DIAPH3: variants seen among roughly 807,000 people sequenced by gnomAD.
DIAPH3 encodes the protein diaphanous related formin 3, also known as protein diaphanous homolog 3.
DIAPH3 carries 117 observed loss-of-function variants against 144.3 expected under a neutral mutation model. The observed-to-expected ratio is 0.81, with a 90% CI of 0.70 to 0.95. The LOEUF (loss-of-function observed/expected upper bound fraction) is 0.95, where lower values mean the gene tolerates loss of function less well. DIAPH3 is among the 40% of genes least tolerant of loss of function. DIAPH3 has a pLI of 0.00. For synonymous variants in DIAPH3, 519 were observed against 488.9 expected, an observed-to-expected ratio of 1.06 and a Z score of -0.81; for missense variants, 1,421 against 1,412.7, an observed-to-expected ratio of 1.01 and a Z score of -0.09.
intron 24 of DIAPH3, among the ~76,000 whole-genome samples, chr13:59,821,386 G>A (rs2041065449): frequency 6.6e-6 from 1 of 151,978 alleles, no homozygotes; most frequent in Admixed American, 6.6e-5. Flanking sequence ...AACTCCTGAT[G>A]ACTTCAGCTT....
At chr13:59,942,635 T>C (rs979834782) in intron 17 of DIAPH3, among the ~76,000 whole-genome samples, 1 of 152,182 alleles carries the variant, frequency 6.6e-6, no homozygotes, top group South Asian at 2.1e-4. Flanking sequence ...ATTGAAATGA[T>C]AGTTATTGTT....
At chr13:59,838,192 G>A (rs1044838804) in intron 23 of DIAPH3, 4 of 152,022 alleles carry the variant, frequency 2.6e-5, no homozygotes, top group African/African-American at 9.7e-5. Context: ...ATGCATTGTA[G>A]TAATATTTTA....
At chr13:59,726,738 A>G (rs189585399) in intron 27 of DIAPH3, among the ~76,000 whole-genome samples, 1 of 152,302 alleles carries the variant, frequency 6.6e-6, no homozygotes, top group African/African-American at 2.4e-5. Flanking sequence ...TTAGTTTTCA[A>G]CTGATGGTTT....
chr13:59,864,367 C>T (rs2139952783), intron 21 of DIAPH3, among the ~76,000 whole-genome samples: 1 of 152,132 alleles, frequency 6.6e-6, no homozygotes, highest in East Asian at 1.9e-4. Context: ...CTCACCCACC[C>T]TCATTTACAG....
chr13:59,839,487 T>C (rs1274887253), intron 22 of DIAPH3, 39 bp from the exon 23 acceptor site: 1 of 1,598,872 alleles, frequency 6.3e-7, no homozygotes, highest in Non-Finnish European at 8.5e-7. Flanking sequence ...AAGGACAAAA[T>C]TATAATATAT....
In DIAPH3 at chr13:59,949,673, G is replaced by A. The variant is rs141395882; in HGVS notation, c.2074+20271C>T. ...TGAGTAGCTGTGACAGAGACCATAT[G>A]ACCTACAAAAACAAAAATATTTACT... On this transcript the variant is annotated intron_variant, in intron 17 of 27. Coordinates refer to ENST00000400324, the MANE Select transcript of DIAPH3 (RefSeq NM_001042517.2). Among the ~76,000 whole-genome samples the A allele has an allele frequency of 3.9e-3, 597 of 152,234 alleles. 5 individuals are homozygous for A. Among genetic ancestry groups the A allele is most frequent in the African/African-American group, 0.014 (580 of 41,536 alleles).
At chr13:59,678,018 G>C (rs1265724368) in intron 27 of DIAPH3, among the ~76,000 whole-genome samples, 1 of 152,100 alleles carries the variant, frequency 6.6e-6, no homozygotes, top group African/African-American at 2.4e-5. Flanking sequence ...TTGCTTACTA[G>C]TTCTGTACAT....
intron 4 of DIAPH3, among the ~76,000 whole-genome samples, chr13:60,046,203 C>T (rs556644369): frequency 2.0e-5 from 3 of 152,284 alleles, no homozygotes; most frequent in East Asian, 1.9e-4. Flanking sequence ...ACAGCTACAT[C>T]CCTAAAGAGA....
intron 27 of DIAPH3, among the ~76,000 whole-genome samples, chr13:59,677,308 T>C (rs1029492353): frequency 1.3e-5 from 2 of 152,026 alleles, no homozygotes; most frequent in African/African-American, 4.8e-5. Context: ...TTGGGTCCCT[T>C]GAGGACTCAA....
At chr13:60,039,889 T>C (rs1405291912) in intron 5 of DIAPH3, among the ~76,000 whole-genome samples, 1 of 152,134 alleles carries the variant, frequency 6.6e-6, no homozygotes, top group Non-Finnish European at 1.5e-5. Context: ...AAGTTTTACA[T>C]GTCCAGCTAA....
At chr13:59,885,838 T>C (rs920962241) in intron 20 of DIAPH3, among the ~76,000 whole-genome samples, 1 of 152,096 alleles carries the variant, frequency 6.6e-6, no homozygotes, top group Non-Finnish European at 1.5e-5. Context: ...CAGAGTGGTA[T>C]GGATCAGATT....
chr13:59,911,963 C>T, intron 19 of DIAPH3, 127 bp from the exon 20 acceptor site: 1 of 758,846 alleles, frequency 1.3e-6, no homozygotes, highest in Non-Finnish European at 2.2e-6. Context: ...AGGTAACCTC[C>T]CTCCTAATAA....
chr13:59,751,917 G>T (rs1401833271), intron 27 of DIAPH3, among the ~76,000 whole-genome samples: 1 of 152,218 alleles, frequency 6.6e-6, no homozygotes, highest in African/African-American at 2.4e-5. Context: ...TCATAGTCAT[G>T]TAAAACATTC....
intron 17 of DIAPH3, among the ~76,000 whole-genome samples, chr13:59,958,275 T>C (rs1027521790): frequency 2.6e-5 from 4 of 152,158 alleles, no homozygotes; most frequent in Non-Finnish European, 5.9e-5. Flanking sequence ...TGCGTAACAT[T>C]TGAACTAGGA....
intron 2 of DIAPH3, among the ~76,000 whole-genome samples, chr13:60,112,884 C>T (rs934880387): frequency 1.3e-5 from 2 of 152,146 alleles, no homozygotes; most frequent in Non-Finnish European, 2.9e-5. Flanking sequence ...GCTAATTATT[C>T]ATTTATTCAA....
At chr13:60,088,365 G>T (rs2057821024) in intron 4 of DIAPH3, among the ~76,000 whole-genome samples, 1 of 151,918 alleles carries the variant, frequency 6.6e-6, no homozygotes, top group African/African-American at 2.4e-5. Flanking sequence ...ACATCTTTTT[G>T]GTTCTCCTTT....
intron 20 of DIAPH3, among the ~76,000 whole-genome samples, chr13:59,911,450 T>G (rs1331700491): frequency 6.6e-6 from 1 of 152,222 alleles, no homozygotes; most frequent in Non-Finnish European, 1.5e-5. Context: ...TCTCTATTCT[T>G]AAGAAGTACA....
intron 22 of DIAPH3, among the ~76,000 whole-genome samples, chr13:59,854,587 C>T (rs1338872630): frequency 2.0e-5 from 3 of 152,152 alleles, no homozygotes; most frequent in Admixed American, 6.5e-5. Flanking sequence ...TTATGTTAAA[C>T]TGTCCTTCAG....
intron 5 of DIAPH3, among the ~76,000 whole-genome samples, chr13:60,032,086 C>A (rs1447767902): frequency 6.6e-6 from 1 of 152,164 alleles, no homozygotes; most frequent in African/African-American, 2.4e-5. Context: ...CACATCCAGG[C>A]CACATTGGTA....
Sources: gnomAD v4.1 joint callset for allele counts (sites outside exome capture counted in the v4.1 genomes callset) on GRCh38, gnomAD v4.1.1 for gene constraint, MANE v1.5 for transcripts, NCBI Gene and HGNC (gene_info 2026-07-23, HGNC 2026-07-21) for gene names.